The following DNAH11 variants were observed in gnomAD, a reference collection of about 807,000 sequenced individuals.
DNAH11 encodes axonemal beta dynein heavy chain 11.
Under a neutral mutation model 526.0 loss-of-function variants are expected in DNAH11, and 442 were observed. The ratio of observed to expected loss-of-function variants is 0.84; its 90% CI spans 0.78 to 0.91. DNAH11 has a LOEUF of 0.91. Among genes scored for constraint, DNAH11 ranks in the 40% least tolerant of loss-of-function variants. DNAH11 has a pLI of 0.00. For synonymous variants in DNAH11, 2,461 were observed against 1,935.9 expected (o/e 1.27, Z -7.12); for missense variants, 6,989 against 5,448.7 (o/e 1.28, Z -8.90).
At chr7:21,893,351 AATG>A (rs1784396203) in intron 77 of DNAH11, among the ~76,000 whole-genome samples, 1 of 152,244 alleles carries the variant, frequency 6.6e-6, no homozygotes, top group Non-Finnish European at 1.5e-5. Flanking sequence ...TTGTAAGGGT[AATG>A]ATATCTCACA....
At chr7:21,859,374 A>G (rs1174077153) in intron 68 of DNAH11, among the ~76,000 whole-genome samples, 2 of 152,184 alleles carry the variant, frequency 1.3e-5, no homozygotes, top group African/African-American at 4.8e-5. Context: ...TCAGCCTCCC[A>G]AAGTGCTGGG....
chr7:21,801,684 C>T (rs1437530650), intron 62 of DNAH11, among the ~76,000 whole-genome samples: 1 of 152,086 alleles, frequency 6.6e-6, no homozygotes, highest in Non-Finnish European at 1.5e-5. Flanking sequence ...TTTCTTAAAA[C>T]AAGTTATAAA....
chr7:21,576,119 G>A (rs1005192438), intron 8 of DNAH11, among the ~76,000 whole-genome samples: 1 of 152,044 alleles, frequency 6.6e-6, no homozygotes, highest in African/African-American at 2.4e-5. Flanking sequence ...TTGCTGCTGA[G>A]TATCCTACCT....
In DNAH11 at chr7:21,740,857, C is replaced by G. The variant is rs552216533; in HGVS notation, c.7915-1070C>G. On this transcript the variant is annotated intron_variant, in intron 48 of 81. Coordinates refer to ENST00000409508, the MANE Select transcript of DNAH11 (RefSeq NM_001277115.2). ...TTCCCTACCAATAGTGCATCAGGGT[C>G]CCAGTTTCTCTATATCCTCACACAT... is the stretch of plus-strand genomic sequence containing the variant. Among the ~76,000 whole-genome samples, 4 of 152,296 alleles carry G rather than the reference C, an allele frequency of 2.6e-5. No individual in the cohort carries two copies. In the South Asian group the frequency reaches 8.3e-4, roughly 32 times the overall value.
chr7:21,779,246 C>G, intron 57 of DNAH11, 142 bp downstream of exon 57: 4 of 1,034,160 alleles, frequency 3.9e-6, no homozygotes, highest in Non-Finnish European at 5.3e-6. Flanking sequence ...AACAGCATTT[C>G]ACACCGTGAT....
intron 40 of DNAH11, 77 bp downstream of exon 40, chr7:21,707,912 G>C: frequency 6.9e-7 from 1 of 1,451,172 alleles, no homozygotes; most frequent in Non-Finnish European, 9.2e-7. Context: ...GCCAATTTTA[G>C]TCATAGTCGC....
intron 43 of DNAH11, among the ~76,000 whole-genome samples, chr7:21,719,642 C>A (rs1342834406): frequency 6.6e-6 from 1 of 151,972 alleles, no homozygotes; most frequent in Non-Finnish European, 1.5e-5. Context: ...TTCAAATTGG[C>A]AAATGTGGCA....
chr7:21,766,989 A>T (rs1464020263), intron 55 of DNAH11, among the ~76,000 whole-genome samples: 1 of 152,226 alleles, frequency 6.6e-6, no homozygotes, highest in African/African-American at 2.4e-5. Context: ...TGAAAATAAG[A>T]AATGATCTCT....
At chr7:21,831,133 G>A (rs1230176636) in intron 65 of DNAH11, among the ~76,000 whole-genome samples, 2 of 152,166 alleles carry the variant, frequency 1.3e-5, no homozygotes, top group Admixed American at 6.5e-5. Context: ...GTTAACCTCT[G>A]TTTTAAGAAA....
At position 21,607,566 on chromosome 7, in the gene DNAH11, C is replaced by T. The variant is rs562647830; in HGVS notation, c.3852+833C>T. ...GTCAAGAATTTTGTTAAGCATATGACTTTCATTATTTCTTTTTAATTCTCA... is the reference window on the plus strand; with the variant it reads ...GTCAAGAATTTTGTTAAGCATATGATTTTCATTATTTCTTTTTAATTCTCA... On this transcript the variant is annotated intron_variant, in intron 20 of 81. Transcript: ENST00000409508. Among the ~76,000 whole-genome samples the T allele has an allele frequency of 3.3e-5, 5 of 152,212 alleles. No homozygotes were observed. The South Asian group carries it at 1.0e-3, about 32-fold the overall frequency.
chr7:21,844,424 CAAACAA>C (rs757285453), intron 66 of DNAH11, among the ~76,000 whole-genome samples: 29 of 152,128 alleles, frequency 1.9e-4, no homozygotes, highest in Non-Finnish European at 2.9e-4. Context: ...GACTCTGTCT[CAAACAA>C]AAACAAAAAC....
intron 66 of DNAH11, among the ~76,000 whole-genome samples, chr7:21,843,976 G>T (rs777888050): frequency 1.3e-5 from 2 of 152,048 alleles, no homozygotes; most frequent in African/African-American, 4.8e-5. Flanking sequence ...AACTTGAAAG[G>T]ATTTCTTCAC....
intron 74 of DNAH11, among the ~76,000 whole-genome samples, chr7:21,876,459 G>A (rs1412192803): frequency 6.6e-6 from 1 of 152,190 alleles, no homozygotes; most frequent in Non-Finnish European, 1.5e-5. Context: ...GTGCTCCCTG[G>A]CTCTCTGTGA....
intron 70 of DNAH11, among the ~76,000 whole-genome samples, chr7:21,865,833 A>T (rs1783253129): frequency 6.6e-6 from 1 of 152,094 alleles, no homozygotes; most frequent in East Asian, 1.9e-4. Context: ...TTTTATGGTT[A>T]TTTCTTGTTG....
At chr7:21,578,576 C>T (rs572065857) in intron 8 of DNAH11, among the ~76,000 whole-genome samples, 3 of 152,186 alleles carry the variant, frequency 2.0e-5, no homozygotes, top group African/African-American at 7.2e-5. Flanking sequence ...AGGACAGTGA[C>T]CCTCTTCTCA....
intron 56 of DNAH11, among the ~76,000 whole-genome samples, chr7:21,774,356 T>C (rs1787572007): frequency 6.6e-6 from 1 of 152,160 alleles, no homozygotes; most frequent in African/African-American, 2.4e-5. Flanking sequence ...TTTTTTGGTC[T>C]CAGATTCTCA....
intron 65 of DNAH11, among the ~76,000 whole-genome samples, chr7:21,823,918 A>C (rs1292912171): frequency 2.0e-5 from 3 of 152,196 alleles, no homozygotes; most frequent in African/African-American, 7.2e-5. Context: ...CTAAAACCTG[A>C]TGACCTTGGG....
intron 39 of DNAH11, among the ~76,000 whole-genome samples, chr7:21,706,621 G>T (rs1050566993): frequency 5.9e-5 from 9 of 152,070 alleles, no homozygotes; most frequent in African/African-American, 2.2e-4. Context: ...GTGGATTAAT[G>T]GTTTCTAAAA....
At chr7:21,817,124 T>C (rs973229918) in intron 64 of DNAH11, among the ~76,000 whole-genome samples, 3 of 152,114 alleles carry the variant, frequency 2.0e-5, no homozygotes, top group Non-Finnish European at 4.4e-5. Context: ...TGGCTACAAG[T>C]CCCAACATTG....
Sources: allele counts gnomAD v4.1 joint callset (sites outside exome capture counted in the v4.1 genomes callset), GRCh38; gene constraint gnomAD v4.1.1; transcripts MANE v1.5; gene names NCBI Gene and HGNC (gene_info 2026-07-23, HGNC 2026-07-21).